Variants in LRRTM4 observed in about 807,000 individuals in gnomAD.
LRRTM4 encodes the protein leucine rich repeat transmembrane neuronal 4, also known as leucine-rich repeat transmembrane neuronal protein 4.
LRRTM4 carries 25 observed loss-of-function variants against 47.6 expected under a neutral mutation model. The ratio of observed to expected loss-of-function variants is 0.53; its 90% confidence interval spans 0.38 to 0.73. The LOEUF is 0.73. Ranked by LOEUF, LRRTM4 falls within the 30% of genes least tolerant of loss-of-function variation. The pLI, the probability that LRRTM4 is intolerant of heterozygous loss-of-function variation, is 0.00. For synonymous variants in LRRTM4, 311 were observed against 269.5 expected (o/e 1.15, Z -1.51); for missense variants, 638 against 713.4 (o/e 0.89, Z 1.20).
intron 3 of LRRTM4, among the ~76,000 whole-genome samples, chr2:77,232,098 A>C (rs1262459776): frequency 6.6e-6 from 1 of 152,174 alleles, no homozygotes; most frequent in Non-Finnish European, 1.5e-5. Context: ...TTGTATCAAA[A>C]AAGTAGGTTC....
chr2:77,407,574 C>T (rs2103850427), intron 3 of LRRTM4, among the ~76,000 whole-genome samples: 1 of 142,720 alleles, frequency 7.0e-6, no homozygotes, highest in South Asian at 2.2e-4. Flanking sequence ...AAATAGTATA[C>T]ATACATAATA....
In LRRTM4 at chr2:77,180,321, T is replaced by C. The variant is rs1328104809; in HGVS notation, c.1551+337997A>G. On this transcript the variant is annotated intron_variant, in intron 3 of 3. Coordinates refer to ENST00000409884, the MANE Select transcript of LRRTM4 (RefSeq NM_001134745.3). ...CTGGTACATAGCAAACTAAATCTTA[T>C]GACATCCCTGCTGGTCTGTCTAATA... 2.0e-5 allele frequency among the ~76,000 whole-genome samples: 3 copies of C among 152,136 alleles called. No individual in the cohort carries two copies. In the East Asian group the frequency reaches 5.8e-4, roughly 29 times the overall value.
At chr2:77,441,753 G>C (rs1011264928) in intron 3 of LRRTM4, among the ~76,000 whole-genome samples, 11 of 152,112 alleles carry the variant, frequency 7.2e-5, no homozygotes, top group African/African-American at 2.7e-4. Context: ...TCAACCCAAA[G>C]AGAAGTAAGA....
intron 3 of LRRTM4, among the ~76,000 whole-genome samples, chr2:76,781,402 G>T (rs1417986173): frequency 6.6e-6 from 1 of 152,252 alleles, no homozygotes; most frequent in African/African-American, 2.4e-5. Context: ...AGCAATCAGC[G>T]AGACTCCGTG....
At chr2:77,391,479 T>C (rs1363388286) in intron 3 of LRRTM4, among the ~76,000 whole-genome samples, 1 of 152,042 alleles carries the variant, frequency 6.6e-6, no homozygotes, top group Non-Finnish European at 1.5e-5. Context: ...GTTCATGTTA[T>C]TCAGTTCACA....
chr2:77,054,388 T>A (rs534554650), intron 3 of LRRTM4, among the ~76,000 whole-genome samples: 9 of 152,336 alleles, frequency 5.9e-5, no homozygotes, highest in African/African-American at 2.2e-4. Flanking sequence ...CAGCAGCCAC[T>A]CTTATTTCCA....
chr2:77,160,280 A>G (rs1438400107), intron 3 of LRRTM4, among the ~76,000 whole-genome samples: 3 of 152,136 alleles, frequency 2.0e-5, no homozygotes, highest in African/African-American at 7.2e-5. Flanking sequence ...CAATGTTGTA[A>G]TCATTCCAGA....
At chr2:77,182,451 AGAT>A (rs1405602450) in intron 3 of LRRTM4, among the ~76,000 whole-genome samples, 1 of 152,078 alleles carries the variant, frequency 6.6e-6, no homozygotes, top group Non-Finnish European at 1.5e-5. Flanking sequence ...GAGAGAATCT[AGAT>A]GATGGATCAA....
intron 3 of LRRTM4, among the ~76,000 whole-genome samples, chr2:77,479,115 C>T (rs1487339779): frequency 6.6e-6 from 1 of 151,996 alleles, no homozygotes; most frequent in Admixed American, 6.6e-5. Flanking sequence ...AGGCTGGTCT[C>T]GAACTCCTGA....
At chr2:77,231,299 C>T (rs1227017220) in intron 3 of LRRTM4, among the ~76,000 whole-genome samples, 1 of 151,724 alleles carries the variant, frequency 6.6e-6, no homozygotes, top group South Asian at 2.1e-4. Flanking sequence ...GCAATATGAT[C>T]CACTGAGCTC....
At chr2:77,306,045 T>A (rs1677262738) in intron 3 of LRRTM4, among the ~76,000 whole-genome samples, 2 of 152,170 alleles carry the variant, frequency 1.3e-5, no homozygotes, top group African/African-American at 4.8e-5. Context: ...AATGTTTACA[T>A]GTTATTCATT....
rs183350056 is a variant in LRRTM4, at chr2:77,224,365, G to A, written c.1551+293953C>T. ...AAAAGCCAAAAATGACAAATGGGAT[G>A]TAATTAAACTAAAGAGCTTCTGCAC... On this transcript the variant is annotated intron_variant, in intron 3 of 3. Transcript: ENST00000409884. Among the ~76,000 whole-genome samples the A allele has an allele frequency of 6.1e-4, 93 of 152,164 alleles. 1 individual carries two copies. Among genetic ancestry groups the A allele is most frequent in the African/African-American group, 2.2e-3 (90 of 41,510 alleles).
intron 3 of LRRTM4, among the ~76,000 whole-genome samples, chr2:77,429,527 G>GA (rs964810597): frequency 1.3e-4 from 19 of 151,660 alleles, no homozygotes; most frequent in East Asian, 1.9e-4. Flanking sequence ...CTTAAAAAAA[G>GA]AAAAAAAATC....
intron 3 of LRRTM4, among the ~76,000 whole-genome samples, chr2:77,058,444 A>G (rs542971182): frequency 1.4e-4 from 21 of 152,232 alleles, no homozygotes; most frequent in Admixed American, 1.2e-3. Context: ...AAATCCTTGG[A>G]ATCCAACTGT....
intron 3 of LRRTM4, among the ~76,000 whole-genome samples, chr2:76,864,549 C>T (rs1386262395): frequency 2.0e-5 from 3 of 151,366 alleles, no homozygotes; most frequent in South Asian, 2.1e-4. Flanking sequence ...CCCAGCTACT[C>T]GGGAGGCTGA....
At chr2:77,402,944 C>G (rs1310003289) in intron 3 of LRRTM4, among the ~76,000 whole-genome samples, 4 of 152,144 alleles carry the variant, frequency 2.6e-5, no homozygotes, top group African/African-American at 7.2e-5. Flanking sequence ...AAAACTCAGA[C>G]CTTTCTCTCA....
chr2:77,034,035 A>C (rs149508711), intron 3 of LRRTM4, among the ~76,000 whole-genome samples: 1 of 151,874 alleles, frequency 6.6e-6, no homozygotes, highest in African/African-American at 2.4e-5. Context: ...TTGATAATTA[A>C]ATACTGGAAA....
chr2:77,392,140 C>T (rs1471401792), intron 3 of LRRTM4, among the ~76,000 whole-genome samples: 1 of 151,958 alleles, frequency 6.6e-6, no homozygotes, highest in Non-Finnish European at 1.5e-5. Context: ...GGAGGCTTCA[C>T]CTACATGACA....
chr2:76,938,867 G>A (rs1244416176), intron 3 of LRRTM4, among the ~76,000 whole-genome samples: 1 of 151,970 alleles, frequency 6.6e-6, no homozygotes, highest in Non-Finnish European at 1.5e-5. Context: ...ATTTCCAGCA[G>A]GTGTTTCTTT....
Sources: gnomAD v4.1 joint callset for allele counts (sites outside exome capture counted in the v4.1 genomes callset) on GRCh38, gnomAD v4.1.1 for gene constraint, MANE v1.5 for transcripts, NCBI Gene and HGNC (gene_info 2026-07-23, HGNC 2026-07-21) for gene names.